Variants in ADARB2 observed in about 807,000 individuals in gnomAD.
The protein encoded by ADARB2 is adenosine deaminase RNA specific B2 (inactive), also known as inactive double-stranded RNA-specific editase B2.
ADARB2 carries 25 observed loss-of-function variants against 62.2 expected under a neutral mutation model. That is an observed-to-expected ratio of 0.40 (90% confidence interval 0.29 to 0.56). The LOEUF (loss-of-function observed/expected upper bound fraction) is 0.56. Ranked by LOEUF, ADARB2 falls within the 20% of genes least tolerant of loss-of-function variation. ADARB2 has a pLI of 0.43. For missense variants in ADARB2, 1,071 were observed against 1,077.4 expected (o/e 0.99, Z 0.08); for synonymous variants, 572 against 500.8 (o/e 1.14, Z -1.90).
chr10:1,308,090 AAAT>A (rs1274058066), intron 3 of ADARB2, among the ~76,000 whole-genome samples: 1 of 51,988 alleles, frequency 1.9e-5, no homozygotes, highest in Non-Finnish European at 5.8e-5. Flanking sequence ...TAAAAAAAAT[AAAT>A]TAAAAAAAAA....
At chr10:1,337,082 G>GTGTGTGTGTGTGTGTGTGTA (rs145164849) in intron 3 of ADARB2, among the ~76,000 whole-genome samples, 1 of 151,416 alleles carries the variant, frequency 6.6e-6, no homozygotes, top group Admixed American at 6.6e-5. Flanking sequence ...GTGTGTGTGT[G>GTGTGTGTGTGTGTGTGTGTA]TGTGTGTGTG....
At chr10:1,498,830 A>G (rs953744110) in intron 1 of ADARB2, among the ~76,000 whole-genome samples, 4 of 152,060 alleles carry the variant, frequency 2.6e-5, no homozygotes, top group African/African-American at 9.7e-5. Flanking sequence ...TTCACTCATC[A>G]CTCACTCATT....
chr10:1,510,144 CTTTCTTTCTTTCTTTCTT>C (rs1831914987), intron 1 of ADARB2, among the ~76,000 whole-genome samples: 1 of 125,184 alleles, frequency 8.0e-6, no homozygotes, highest in African/African-American at 3.1e-5. Flanking sequence ...TTCTTTCTTT[CTTTCTTTCTTTCTTTCTT>C]TCTTTCTTTT....
intron 2 of ADARB2, among the ~76,000 whole-genome samples, chr10:1,364,458 C>T (rs1346120594): frequency 1.3e-5 from 2 of 152,210 alleles, no homozygotes; most frequent in African/African-American, 2.4e-5. Context: ...TGAGGCACTG[C>T]GGCCTTGGGG....
chr10:1,350,175 G>C (rs1832122279), intron 3 of ADARB2, among the ~76,000 whole-genome samples: 2 of 152,144 alleles, frequency 1.3e-5, no homozygotes, highest in South Asian at 4.1e-4. Context: ...CATCCTACAA[G>C]ATCTAAATAA....
At chr10:1,240,340 A>ACTCCCCTCTGCTTCCCGGTGTTTG (rs1830903784) in intron 5 of ADARB2, 1 of 142,584 alleles carries the variant, frequency 7.0e-6, no homozygotes, top group African/African-American at 2.7e-5. Flanking sequence ...CCCGGTGTTT[A>ACTCCCCTCTGCTTCCCGGTGTTTG]CTCCCTGTGT....
intron 7 of ADARB2, among the ~76,000 whole-genome samples, chr10:1,202,614 T>G (rs573579517): frequency 6.6e-6 from 1 of 152,322 alleles, no homozygotes; most frequent in South Asian, 2.1e-4. Context: ...GTTCTCAGAT[T>G]TGGAGATGCC....
rs376882828 is a variant in ADARB2, at chr10:1,363,782, C to A, written c.323G>T (p.Gly108Val). Residue 108 changes from glycine to valine, a missense_variant, in exon 3 of 10, where the codon GGC (glycine) becomes GTC (valine). Gly to Val is a moderately radical substitution (Grantham distance 109). Coordinates refer to ENST00000381312, the MANE Select transcript of ADARB2 (RefSeq NM_018702.4). ...RKRPLEEGNG[G>V]HLCKLQLVWK... ...GACCAGCTGCAGTTTGCACAAGTGG[C>A]CCCCATTCCCCTCCTCCAGCGGCCG... 1.2e-6 allele frequency: 2 copies of A among 1,600,548 alleles called. No homozygotes were observed. Among genetic ancestry groups the A allele is most frequent in the East Asian group, 4.5e-5 (2 of 44,776 alleles).
In ADARB2 at chr10:1,704,576, T is replaced by C. The variant is rs7090209; in HGVS notation, c.100+32475A>G. The stretch of plus-strand genomic sequence containing the variant: ...GAAGCCTTGCTCACTAACCTCCTGC[T>C]GTGCAGCCCAGCTCCTAACAGGTCC... On this transcript the variant is annotated intron_variant, in intron 1 of 9. Transcript: ENST00000381312. The surrounding 1 kb of genome is among the most constrained non-coding windows in gnomAD (Gnocchi z 5.6). Among the ~76,000 whole-genome samples, 64,310 of 152,080 alleles carry C rather than the reference T, an allele frequency of 0.42. 15,238 individuals are homozygous for C. Among genetic ancestry groups the C allele is most frequent in the East Asian group, 0.83 (4,310 of 5,176 alleles).
chr10:1,501,450 G>A (rs573595720), intron 1 of ADARB2, among the ~76,000 whole-genome samples: 1 of 152,284 alleles, frequency 6.6e-6, no homozygotes, highest in South Asian at 2.1e-4. Context: ...GCAGAGTACT[G>A]GGCCCTACAT....
At chr10:1,628,908 G>A (rs941032244) in intron 1 of ADARB2, among the ~76,000 whole-genome samples, 1 of 152,264 alleles carries the variant, frequency 6.6e-6, no homozygotes, top group African/African-American at 2.4e-5. Flanking sequence ...CCTCCCTGGT[G>A]TCCGTTGGGT....
intron 1 of ADARB2, among the ~76,000 whole-genome samples, chr10:1,584,204 G>C (rs1443345726): frequency 1.3e-5 from 2 of 152,130 alleles, no homozygotes; most frequent in Admixed American, 6.6e-5. Context: ...GCATACCATA[G>C]ATTAGGAGAA....
chr10:1,303,342 G>A (rs1432816512), intron 3 of ADARB2, among the ~76,000 whole-genome samples: 1 of 151,912 alleles, frequency 6.6e-6, no homozygotes, highest in Non-Finnish European at 1.5e-5. Flanking sequence ...AGAATAAAAA[G>A]AAATGAGCAA....
At position 1,327,736 on chromosome 10, in the gene ADARB2, G is replaced by A. The variant is rs115997219; in HGVS notation, c.1077+35292C>T. On this transcript the variant is annotated intron_variant, in intron 3 of 9. Transcript: ENST00000381312. ...CTACCCACAGTTCAGCACCTCCCAC[G>A]GCACAGCGCCTCACTGCACAGCGCC... 1.7e-4 allele frequency among the ~76,000 whole-genome samples: 7 copies of A among 41,278 alleles called. No homozygotes were observed. In the East Asian group the frequency reaches 2.6e-3, roughly 16 times the overall value. 27.1% of individuals were successfully genotyped at this position (41,278 alleles called of 152,430 possible).
chr10:1,560,179 G>A (rs574998809), intron 1 of ADARB2, among the ~76,000 whole-genome samples: 85 of 152,266 alleles, frequency 5.6e-4, no homozygotes, highest in Non-Finnish European at 8.8e-4. Context: ...CCAAATGTTT[G>A]TGTTTTTCTG....
chr10:1,554,608 C>T (rs887808967), intron 1 of ADARB2, among the ~76,000 whole-genome samples: 9 of 152,144 alleles, frequency 5.9e-5, no homozygotes, highest in African/African-American at 2.2e-4. Context: ...CCCCACAGCC[C>T]CCAACGGTAC....
chr10:1,448,755 G>A (rs1183037901), intron 1 of ADARB2, among the ~76,000 whole-genome samples: 1 of 152,094 alleles, frequency 6.6e-6, no homozygotes, highest in Non-Finnish European at 1.5e-5. Flanking sequence ...AAAGGAAACC[G>A]TGCTTGGTCT....
chr10:1,516,621 C>T (rs1832012583), intron 1 of ADARB2, among the ~76,000 whole-genome samples: 1 of 152,150 alleles, frequency 6.6e-6, no homozygotes, highest in African/African-American at 2.4e-5. Context: ...TGCGGCAATG[C>T]CCTCCCGTTT....
At chr10:1,296,596 G>A (rs994502748) in intron 3 of ADARB2, among the ~76,000 whole-genome samples, 4 of 152,146 alleles carry the variant, frequency 2.6e-5, no homozygotes, top group African/African-American at 9.7e-5. Context: ...CAAACGTTGG[G>A]GGAGGGCAGG....
Sources: allele counts gnomAD v4.1 joint callset (sites outside exome capture counted in the v4.1 genomes callset), GRCh38; gene constraint gnomAD v4.1.1; non-coding constraint Gnocchi (gnomAD v3.1); transcripts MANE v1.5; gene names NCBI Gene and HGNC (gene_info 2026-07-23, HGNC 2026-07-21).